The following CLSTN1 variants were observed in gnomAD, a reference collection of about 807,000 sequenced individuals.
CLSTN1 encodes the protein calsyntenin 1, also known as calsyntenin-1.
In CLSTN1, 28 loss-of-function variants were observed where a neutral mutation model predicts 108.3. The observed-to-expected ratio is 0.26, with a 90% CI of 0.19 to 0.35. CLSTN1 has a LOEUF of 0.35. Among genes scored for constraint, CLSTN1 ranks in the 10% least tolerant of loss-of-function variants. The probability of loss-of-function intolerance (pLI) is 1.00; values close to 1 mark genes in which losing one functional copy is unlikely to be tolerated. For synonymous variants in CLSTN1, 524 were observed against 534.9 expected (o/e 0.98, Z 0.28); for missense variants, 1,157 against 1,302.6 (o/e 0.89, Z 1.72).
intron 13 of CLSTN1, 26 bp downstream of exon 13, chr1:9,735,441 G>C: frequency 7.4e-6 from 12 of 1,614,124 alleles, no homozygotes; most frequent in Non-Finnish European, 9.3e-6. Context: ...GGCAAAACAG[G>C]CCGGCTGTTA....
rs555150109 is a variant in CLSTN1, at chr1:9,771,677, G to C, written c.214+1595C>G. Among the ~76,000 whole-genome samples, 73 of 152,252 alleles carry C rather than the reference G, an allele frequency of 4.8e-4. 2 individuals are homozygous for C. The South Asian group carries it at 8.1e-3, about 17-fold the overall frequency. Reference sequence around the variant, plus strand: ...ACCCTGGCAACTGGACAAATGCTGTGTGTGTGTTCACGGCATGGGGTACTG... The same window carrying C: ...ACCCTGGCAACTGGACAAATGCTGTCTGTGTGTTCACGGCATGGGGTACTG... On this transcript the variant is annotated intron_variant, in intron 2 of 18. Transcript: ENST00000377298.
At chr1:9,773,949 C>T (rs1268566473) in intron 1 of CLSTN1, among the ~76,000 whole-genome samples, 2 of 151,770 alleles carry the variant, frequency 1.3e-5, no homozygotes, top group Non-Finnish European at 2.9e-5. Flanking sequence ...ACCATGTTGC[C>T]CAGGCTGGTC....
intron 10 of CLSTN1, among the ~76,000 whole-genome samples, chr1:9,740,004 G>C (rs1279091002): frequency 6.6e-6 from 1 of 151,778 alleles, no homozygotes; most frequent in Non-Finnish European, 1.5e-5. Flanking sequence ...TTTTAGTAGA[G>C]ATGGGATTTC....
rs751661418 is a variant in CLSTN1, at chr1:9,749,632, T to G, written c.814A>C (p.Ile272Leu). Reference sequence around the variant, plus strand: ...GCGCCGGTGCCCGGCTCATACTCAATCCTGTTGTTCCATCCTGTGTTGGTC... The same window carrying G: ...GCGCCGGTGCCCGGCTCATACTCAAGCCTGTTGTTCCATCCTGTGTTGGTC... The part of the protein sequence containing the change: ...TPGWQGWNNR[I>L]EYEPGTGALA... The change falls in exon 7 of 19, where the codon ATT (isoleucine) becomes CTT (leucine). Residue 272 changes from isoleucine (I) to leucine (L), a missense_variant. Transcript: ENST00000377298. The G allele has an allele frequency of 6.2e-7, 1 of 1,613,900 alleles. No homozygotes were observed. Among genetic ancestry groups the G allele is most frequent in the Admixed American group, 1.7e-5 (1 of 59,954 alleles).
At chr1:9,740,060 C>T (rs1468051482) in intron 10 of CLSTN1, among the ~76,000 whole-genome samples, 1 of 151,990 alleles carries the variant, frequency 6.6e-6, no homozygotes, top group Non-Finnish European at 1.5e-5. Context: ...TCATGATCCA[C>T]CCACCTCAGC....
In CLSTN1 at chr1:9,823,867, C is replaced by T; in HGVS notation, c.-134G>A. ...GCTCCGGGGGTCCAAGGAGGAGCCG[C>T]CGCCGCCGCCGCCGTGACGCTGGGC... On this transcript the variant is annotated 5_prime_UTR_variant, in exon 1 of 19. Transcript: ENST00000377298. This position sits in a 1 kb window ranked among gnomAD's most constrained non-coding sequence, Gnocchi z 6.3. The T allele has an allele frequency of 4.2e-6, 1 of 238,280 alleles. No homozygotes were observed. Among genetic ancestry groups the T allele is most frequent in the Non-Finnish European group, 6.9e-6 (1 of 144,112 alleles). 14.8% of individuals were successfully genotyped at this position (238,280 alleles called of 1,614,324 possible). A position where few individuals can be genotyped will look rare whatever the true frequency, so the allele number is the denominator to read the frequency against.
At position 9,734,494 on chromosome 1, in the gene CLSTN1, G is replaced by C. The variant is rs1557689777; in HGVS notation, c.2111-352C>G. On this transcript the variant is annotated intron_variant, in intron 14 of 18. Transcript: ENST00000377298. The surrounding 1 kb of genome is among the most constrained non-coding windows in gnomAD (Gnocchi z 4.8). ...GGAGGCTGAGGCAGGAGAATCGCTT[G>C]AACTCAGGAGGTGGATGCTGCAGTT... Among the ~76,000 whole-genome samples the C allele has an allele frequency of 6.6e-6, 1 of 151,502 alleles. No homozygotes were observed. Among genetic ancestry groups the C allele is most frequent in the African/African-American group, 2.4e-5 (1 of 41,184 alleles).
intron 10 of CLSTN1, 152 bp downstream of exon 10, chr1:9,740,942 G>A: frequency 1.2e-6 from 1 of 804,362 alleles, no homozygotes. Context: ...TAACGGCAGT[G>A]TCCCCAAAAA....
chr1:9,819,189 T>C (rs538856968), intron 1 of CLSTN1, among the ~76,000 whole-genome samples: 1 of 152,264 alleles, frequency 6.6e-6, no homozygotes, highest in Admixed American at 6.5e-5. Flanking sequence ...AATAGACTCT[T>C]GGCGGTTTTT....
At chr1:9,800,676 GCCAT>G (rs1654224839) in intron 1 of CLSTN1, among the ~76,000 whole-genome samples, 3 of 150,698 alleles carry the variant, frequency 2.0e-5, no homozygotes, top group Non-Finnish European at 4.4e-5. Context: ...CTTGCAGTGA[GCCAT>G]GATCGTGCCA....
Position 9,736,047 on chromosome 1 carries a change from G to C in CLSTN1, c.1577-5C>G. 6.2e-7 allele frequency: 1 copy of C among 1,614,146 alleles called. No individual in the cohort carries two copies. The highest frequency in any genetic ancestry group is 8.5e-7 in the Non-Finnish European group (1 of 1,180,032). On this transcript the variant is annotated splice_region_variant and splice_polypyrimidine_tract_variant and intron_variant, in intron 11 of 18. Transcript: ENST00000377298. ...GGGTCATGTGCAGGTCGCCACCTTT[G>C]GGTCAGGGGAGAAAAGGCGAAGTCA...
intron 1 of CLSTN1, among the ~76,000 whole-genome samples, chr1:9,804,604 G>A (rs529548108): frequency 1.2e-4 from 19 of 152,272 alleles, no homozygotes; most frequent in African/African-American, 4.6e-4. Flanking sequence ...CAGCACTTTA[G>A]GAGGCCAAGG....
chr1:9,732,395 T>C (rs1337880536), intron 16 of CLSTN1, among the ~76,000 whole-genome samples: 2 of 152,168 alleles, frequency 1.3e-5, no homozygotes, highest in East Asian at 3.9e-4. Context: ...TATAAAAGAT[T>C]ATGCCCAAAA....
chr1:9,749,685 A>G (rs1428019280), intron 6 of CLSTN1, 39 bp from the exon 7 acceptor site: 5 of 1,611,274 alleles, frequency 3.1e-6, no homozygotes. Flanking sequence ...AGAGAGAAGG[A>G]AAACACACAC....
At chr1:9,774,391 CCCTGT>C (rs1487283623) in intron 1 of CLSTN1, among the ~76,000 whole-genome samples, 2 of 151,798 alleles carry the variant, frequency 1.3e-5, no homozygotes, top group East Asian at 3.9e-4. Context: ...TATGTTGAAA[CCCTGT>C]CTTTACTAAA....
rs70998310 is a variant in CLSTN1 at position 9,787,402 on chromosome 1, A to ATTTTTT, written c.92-14014_92-14009dup. ...TTGAAAGCTTAAAGTGAGCCTTCTA[A>ATTTTTT]TTTTTTTTTTTTTTTTTTTGAGACG... is the stretch of plus-strand genomic sequence containing the variant. On this transcript the variant is annotated intron_variant, in intron 1 of 18. Transcript: ENST00000377298. Among the ~76,000 whole-genome samples, 22 of 136,600 alleles carry ATTTTTT rather than the reference A, an allele frequency of 1.6e-4. 3 individuals carry two copies. The East Asian group carries it at 2.8e-3, about 18-fold the overall frequency. 89.6% of individuals were successfully genotyped at this position (136,600 alleles called of 152,430 possible).
intron 7 of CLSTN1, among the ~76,000 whole-genome samples, chr1:9,748,409 G>A (rs1350743115): frequency 6.6e-6 from 1 of 152,162 alleles, no homozygotes; most frequent in African/African-American, 2.4e-5. Context: ...AATCTATTGA[G>A]ATTCTAAGTT....
In CLSTN1 at chr1:9,741,215, T is replaced by C. The variant is rs755918924; in HGVS notation, c.1398A>G (p.Glu466=). The change falls in exon 10 of 19, where the codon GAA becomes GAG. Residue 466 remains glutamate, a synonymous_variant. Transcript: ENST00000377298. ...EEWHHYVLNV[E]FPSVTLYVDG... ...CCACATAGAGAGTCACACTCGGGAA[T>C]TCTACATTGAGGACGTAGTGGTGCC... 5.0e-6 allele frequency: 8 copies of C among 1,613,878 alleles called. No individual in the cohort carries two copies. The East Asian group carries it at 1.8e-4, about 36-fold the overall frequency.
At chr1:9,777,443 A>G (rs373865674) in intron 1 of CLSTN1, among the ~76,000 whole-genome samples, 5 of 151,878 alleles carry the variant, frequency 3.3e-5, no homozygotes, top group African/African-American at 1.2e-4. Context: ...GAATCACTTG[A>G]AACCGGGAGG....
Sources: gnomAD v4.1 joint callset for allele counts (sites outside exome capture counted in the v4.1 genomes callset) on GRCh38, gnomAD v4.1.1 for gene constraint, Gnocchi (gnomAD v3.1) non-coding constraint, MANE v1.5 for transcripts, NCBI Gene and HGNC (gene_info 2026-07-23, HGNC 2026-07-21) for gene names.